MTRF1: variants seen among roughly 807,000 people sequenced by gnomAD.
MTRF1 encodes peptide chain release factor 1, mitochondrial.
MTRF1 carries 51 observed loss-of-function variants against 62.9 expected under a neutral mutation model. The observed-to-expected ratio is 0.81, with a 90% CI of 0.65 to 1.02. The LOEUF (loss-of-function observed/expected upper bound fraction) is 1.02, where lower values mean the gene tolerates loss of function less well. MTRF1 is among the 50% of genes least tolerant of loss of function. The pLI, the probability that MTRF1 is intolerant of heterozygous loss-of-function variation, is 0.00. For synonymous variants in MTRF1, 158 were observed against 181.9 expected (o/e 0.87, Z 1.06); for missense variants, 446 against 530.0 (o/e 0.84, Z 1.56).
the MTRF1 span, among the ~76,000 whole-genome samples, chr13:41,268,917 A>G: frequency 2.0e-5 from 3 of 152,098 alleles, no homozygotes; most frequent in Non-Finnish European, 4.4e-5. Context: ...TAACTTGATC[A>G]TATAAAAGTT....
the MTRF1 span, among the ~76,000 whole-genome samples, chr13:41,294,525 A>G: frequency 6.6e-6 from 1 of 152,174 alleles, no homozygotes; most frequent in Non-Finnish European, 1.5e-5. Flanking sequence ...GTTTCAAAAT[A>G]TAGAACAGAT....
chr13:41,228,338 G>A (rs944655156), intron 7 of MTRF1, among the ~76,000 whole-genome samples: 6 of 152,138 alleles, frequency 3.9e-5, no homozygotes, highest in East Asian at 1.9e-4. Flanking sequence ...AGGCAAAGGC[G>A]GGTGGATTAT....
chr13:41,284,664 A>G, the MTRF1 span, among the ~76,000 whole-genome samples: 1 of 152,000 alleles, frequency 6.6e-6, no homozygotes, highest in Non-Finnish European at 1.5e-5. Context: ...GTCTCCCTCT[A>G]TCACCAGGCT....
upstream of MTRF1, among the ~76,000 whole-genome samples, chr13:41,264,317 A>G (rs73179155): frequency 0.053 from 8,087 of 152,330 alleles, 268 homozygotes; most frequent in Non-Finnish European, 0.08. Flanking sequence ...TAGGGGCTCA[A>G]CCTAGATTCA....
At chr13:41,294,907 T>A in the MTRF1 span, among the ~76,000 whole-genome samples, 1 of 152,200 alleles carries the variant, frequency 6.6e-6, no homozygotes, top group Non-Finnish European at 1.5e-5. Flanking sequence ...TGGTTCCCTA[T>A]GTTAGAATAA....
chr13:41,266,996 C>CAAAAA (rs59609555), upstream of MTRF1, among the ~76,000 whole-genome samples: 4 of 81,182 alleles, frequency 4.9e-5, no homozygotes, highest in Non-Finnish European at 7.1e-5. Context: ...GACTCTGTCT[C>CAAAAA]AAAAAAAAAA....
chr13:41,296,555 A>G, the MTRF1 span, among the ~76,000 whole-genome samples: 1 of 152,168 alleles, frequency 6.6e-6, no homozygotes, highest in Non-Finnish European at 1.5e-5. Context: ...TATTTGGTAA[A>G]TTGTACGGTA....
chr13:41,267,364 T>C (rs2040852571), upstream of MTRF1, among the ~76,000 whole-genome samples: 2 of 152,192 alleles, frequency 1.3e-5, no homozygotes, highest in African/African-American at 4.8e-5. Flanking sequence ...GCTCTGTGGT[T>C]ATGTGTACTT....
intron 7 of MTRF1, among the ~76,000 whole-genome samples, chr13:41,227,556 C>T (rs2034672113): frequency 2.6e-5 from 4 of 152,154 alleles, no homozygotes; most frequent in Non-Finnish European, 5.9e-5. Context: ...AGCTCTGAAA[C>T]GATCACTTCT....
the MTRF1 span, among the ~76,000 whole-genome samples, chr13:41,272,021 T>C: frequency 6.6e-6 from 1 of 152,188 alleles, no homozygotes; most frequent in African/African-American, 2.4e-5. Context: ...CAGCCACCCC[T>C]AACTTTGTAG....
chr13:41,279,422 A>T, the MTRF1 span, among the ~76,000 whole-genome samples: 3 of 152,214 alleles, frequency 2.0e-5, no homozygotes, highest in African/African-American at 7.2e-5. Flanking sequence ...CTTTCTGTTG[A>T]TTCCAGGTCC....
rs150939191 is a variant in MTRF1 at position 41,240,395 on chromosome 13, C to A, written c.736G>T (p.Gly246Cys). The A allele has an allele frequency of 6.2e-7, 1 of 1,613,484 alleles. No homozygotes were observed. The highest frequency in any genetic ancestry group is 1.1e-5 in the South Asian group (1 of 90,906). Reference sequence around the variant, plus strand: ...TCATACTTCAAATGCTTATAGACACCGTCACCGGAAATTCGGGCGGCTGCA... The same window carrying A: ...TCATACTTCAAATGCTTATAGACACAGTCACCGGAAATTCGGGCGGCTGCA... Reference protein sequence around the residue: ...HHAAARISGDGVYKHLKYEGG... With the variant: ...HHAAARISGDCVYKHLKYEGG... The change falls in exon 6 of 10, where the codon GGT becomes TGT. Residue 246 changes from glycine (G) to cysteine (C), a missense_variant. Gly to Cys is a radical substitution (Grantham distance 159). Transcript: ENST00000379480.
chr13:41,299,972 T>G, the MTRF1 span, among the ~76,000 whole-genome samples: 1 of 152,172 alleles, frequency 6.6e-6, no homozygotes, highest in Non-Finnish European at 1.5e-5. Context: ...AAATAATGTC[T>G]CAATCCTCAA....
At chr13:41,247,671 A>G (rs2038450027) in intron 5 of MTRF1, among the ~76,000 whole-genome samples, 2 of 151,874 alleles carry the variant, frequency 1.3e-5, no homozygotes, top group African/African-American at 4.8e-5. Context: ...TCAGTTTGCT[A>G]TTTTTCCTAG....
intron 2 of MTRF1, among the ~76,000 whole-genome samples, chr13:41,256,568 C>T (rs2039757123): frequency 6.6e-6 from 1 of 152,058 alleles, no homozygotes; most frequent in African/African-American, 2.4e-5. Context: ...TCCTGATCCA[C>T]CCGCCCCGGC....
At chr13:41,311,995 T>C in the MTRF1 span, among the ~76,000 whole-genome samples, 1 of 152,222 alleles carries the variant, frequency 6.6e-6, no homozygotes, top group Non-Finnish European at 1.5e-5. Flanking sequence ...CGTTCTGCAT[T>C]CTCTGCTTTG....
upstream of MTRF1, among the ~76,000 whole-genome samples, chr13:41,267,035 G>C (rs9566735): frequency 6.0e-5 from 9 of 149,564 alleles, no homozygotes; most frequent in African/African-American, 2.2e-4. Flanking sequence ...CCCTGTGTCA[G>C]ATTTTTTTTC....
chr13:41,239,127 G>T (rs1312919273), intron 6 of MTRF1, among the ~76,000 whole-genome samples: 3 of 151,860 alleles, frequency 2.0e-5, no homozygotes, highest in Non-Finnish European at 4.4e-5. Context: ...CTATACCCAG[G>T]TATAGTGGCA....
chr13:41,285,220 G>T, the MTRF1 span, among the ~76,000 whole-genome samples: 2 of 152,124 alleles, frequency 1.3e-5, no homozygotes, highest in Non-Finnish European at 2.9e-5. Flanking sequence ...GACAACTCTG[G>T]TATGAGGAGT....
Sources: gnomAD v4.1 joint callset for allele counts (sites outside exome capture counted in the v4.1 genomes callset) on GRCh38, gnomAD v4.1.1 for gene constraint, MANE v1.5 for transcripts, NCBI Gene and HGNC (gene_info 2026-07-23, HGNC 2026-07-21) for gene names.